EPHA3: variants seen among roughly 807,000 people sequenced by gnomAD.
EPHA3 encodes ephrin type-A receptor 3.
EPHA3 carries 42 observed loss-of-function variants against 107.1 expected under a neutral mutation model. That is an observed-to-expected ratio of 0.39 (90% CI 0.31 to 0.51). EPHA3 has a LOEUF of 0.51. Among genes scored for constraint, EPHA3 ranks in the 20% least tolerant of loss-of-function variants. The pLI, the probability that EPHA3 is intolerant of heterozygous loss-of-function variation, is 0.78. For synonymous variants in EPHA3, 461 were observed against 424.8 expected, an observed-to-expected ratio of 1.09 and a Z score of -1.05; for missense variants, 1,183 against 1,211.2, an observed-to-expected ratio of 0.98 and a Z score of 0.35.
chr3:89,166,418 A>G (rs1170422213), intron 2 of EPHA3, among the ~76,000 whole-genome samples: 2 of 152,178 alleles, frequency 1.3e-5, no homozygotes, highest in Non-Finnish European at 2.9e-5. Flanking sequence ...GAGGAAGGGT[A>G]GTTATTGGAT....
chr3:89,146,010 T>C (rs1447318311), intron 2 of EPHA3, among the ~76,000 whole-genome samples: 2 of 151,910 alleles, frequency 1.3e-5, no homozygotes, highest in Admixed American at 6.6e-5. Context: ...AGTTCTCACT[T>C]ACATGTGATT....
At chr3:89,429,950 G>A (rs955774138) in intron 12 of EPHA3, among the ~76,000 whole-genome samples, 2 of 152,064 alleles carry the variant, frequency 1.3e-5, no homozygotes, top group Admixed American at 6.6e-5. Context: ...TTTTAGTAGA[G>A]GTGGTGTTTC....
In EPHA3 at chr3:89,209,929, GAC is replaced by G; in HGVS notation, c.224_225del (p.Asp75AlafsTer33). ...GACTTACCAGGTGTGCAATGTCATG[GAC>G]CACAGTCAAAACAATTGGCTGAGAA... ...IRTYQVCNVMDHSQNNWLRTN... is the reference protein window; with the variant it reads ...IRTYQVCNVMXHSQNNWLRTN... On this transcript the variant is annotated frameshift_variant, in exon 3 of 17. Transcript: ENST00000336596. LOFTEE classifies it high-confidence loss of function. 1 of 1,613,778 alleles carries G rather than the reference GAC, an allele frequency of 6.2e-7. No homozygotes were observed. The highest frequency in any genetic ancestry group is 8.5e-7 in the Non-Finnish European group (1 of 1,179,850).
At chr3:89,221,007 C>T (rs995687629) in intron 3 of EPHA3, among the ~76,000 whole-genome samples, 3 of 152,112 alleles carry the variant, frequency 2.0e-5, no homozygotes, top group African/African-American at 7.2e-5. Context: ...AAAAATCAGG[C>T]AATTGTCCAA....
intron 14 of EPHA3, 70 bp from the exon 15 acceptor site, chr3:89,450,107 C>A: frequency 7.7e-7 from 1 of 1,295,166 alleles, no homozygotes; most frequent in Non-Finnish European, 1.0e-6. Context: ...GAGCCCCGCC[C>A]ATGAAAACGT....
At chr3:89,333,263 C>G (rs573215341) in intron 3 of EPHA3, among the ~76,000 whole-genome samples, 1 of 152,148 alleles carries the variant, frequency 6.6e-6, no homozygotes, top group South Asian at 2.1e-4. Flanking sequence ...TATGGGCCCA[C>G]AGTGTTTAGT....
intron 2 of EPHA3, among the ~76,000 whole-genome samples, chr3:89,203,504 T>A (rs548965958): frequency 6.6e-6 from 1 of 152,044 alleles, no homozygotes; most frequent in Admixed American, 6.6e-5. Flanking sequence ...CTGGGCGCGG[T>A]GGCTCAAGCC....
intron 3 of EPHA3, among the ~76,000 whole-genome samples, chr3:89,255,687 G>T (rs1486109675): frequency 3.9e-5 from 6 of 152,084 alleles, no homozygotes; most frequent in African/African-American, 1.4e-4. Flanking sequence ...GATTGCCTGA[G>T]GTGAGGGGTT....
intron 2 of EPHA3, among the ~76,000 whole-genome samples, chr3:89,204,261 T>A (rs1706045466): frequency 6.6e-6 from 1 of 152,178 alleles, no homozygotes; most frequent in African/African-American, 2.4e-5. Context: ...ATTACCAAAT[T>A]TCTGCTGAAA....
intron 13 of EPHA3, among the ~76,000 whole-genome samples, chr3:89,439,754 CATAT>C (rs1339878525): frequency 1.4e-5 from 2 of 145,760 alleles, no homozygotes; most frequent in African/African-American, 5.3e-5. Flanking sequence ...CACACACACA[CATAT>C]ATATATGTAT....
intron 3 of EPHA3, among the ~76,000 whole-genome samples, chr3:89,271,332 GTAT>G (rs1347236095): frequency 4.6e-5 from 7 of 152,008 alleles, no homozygotes; most frequent in Non-Finnish European, 1.0e-4. Context: ...TGTGAAGAAA[GTAT>G]TATAATTCCC....
rs147581037 is a variant in EPHA3, at chr3:89,454,648, A to G, written c.2690+4278A>G. 1.3e-3 allele frequency among the ~76,000 whole-genome samples: 205 copies of G among 152,270 alleles called. 7 individuals carry two copies. The East Asian group carries it at 0.037, about 27-fold the overall frequency. On this transcript the variant is annotated intron_variant, in intron 15 of 16. Coordinates refer to ENST00000336596, the MANE Select transcript of EPHA3 (RefSeq NM_005233.6). ...TAGTTTCAGTCACCTGTTTATAATC[A>G]ATATTGAATTCACGTTACACTTATA...
At chr3:89,361,816 C>T (rs1368806932) in intron 5 of EPHA3, among the ~76,000 whole-genome samples, 4 of 151,054 alleles carry the variant, frequency 2.6e-5, no homozygotes, top group Non-Finnish European at 5.9e-5. Flanking sequence ...CACATGAGAG[C>T]TGGCTTTTGA....
chr3:89,211,247 G>A (rs1271490437), intron 3 of EPHA3, among the ~76,000 whole-genome samples: 3 of 151,770 alleles, frequency 2.0e-5, no homozygotes, highest in African/African-American at 4.8e-5. Flanking sequence ...TATTAAAATC[G>A]CTTTATATTT....
At chr3:89,437,328 T>C (rs1709692652) in intron 13 of EPHA3, among the ~76,000 whole-genome samples, 1 of 152,170 alleles carries the variant, frequency 6.6e-6, no homozygotes, top group African/African-American at 2.4e-5. Flanking sequence ...TACCAAAGTT[T>C]GCAAATCATC....
intron 2 of EPHA3, among the ~76,000 whole-genome samples, chr3:89,200,931 G>A (rs1190924748): frequency 6.6e-6 from 1 of 152,118 alleles, no homozygotes; most frequent in Admixed American, 6.5e-5. Flanking sequence ...CCTGCCTTGT[G>A]CCCTGAGCTG....
chr3:89,271,359 C>A (rs983454971), intron 3 of EPHA3, among the ~76,000 whole-genome samples: 2 of 151,566 alleles, frequency 1.3e-5, no homozygotes, highest in African/African-American at 4.8e-5. Flanking sequence ...CAGAGTACAG[C>A]AAAGTTAGGT....
chr3:89,276,032 G>A (rs748331611), intron 3 of EPHA3, among the ~76,000 whole-genome samples: 4 of 151,928 alleles, frequency 2.6e-5, no homozygotes, highest in African/African-American at 7.2e-5. Context: ...GGCATAGTAC[G>A]GGGGAGAAAA....
chr3:89,333,728 T>A (rs976313506), intron 3 of EPHA3, among the ~76,000 whole-genome samples: 6 of 151,654 alleles, frequency 4.0e-5, no homozygotes, highest in African/African-American at 1.5e-4. Flanking sequence ...CAAAAATTAG[T>A]TGGTGTGGTG....
Sources: allele counts gnomAD v4.1 joint callset (sites outside exome capture counted in the v4.1 genomes callset), GRCh38; gene constraint gnomAD v4.1.1; transcripts MANE v1.5; gene names NCBI Gene and HGNC (gene_info 2026-07-23, HGNC 2026-07-21).